SORCS1: variants seen among roughly 807,000 people sequenced by gnomAD.
SORCS1 encodes sortilin related VPS10 domain containing receptor 1, also known as VPS10 domain-containing receptor SorCS1.
In SORCS1, 60 loss-of-function variants were observed where a neutral mutation model predicts 146.1. That is an observed-to-expected ratio of 0.41 (90% CI 0.33 to 0.51). The LOEUF is 0.51. Among genes scored for constraint, SORCS1 ranks in the 20% least tolerant of loss-of-function variants. The pLI is 0.21. For missense variants in SORCS1, 1,352 were observed against 1,487.6 expected, an observed-to-expected ratio of 0.91 and a Z score of 1.50; for synonymous variants, 637 against 584.0, an observed-to-expected ratio of 1.09 and a Z score of -1.31.
Position 106,620,454 on chromosome 10 carries a change from C to A in SORCS1, c.2770G>T (p.Val924Leu), listed in dbSNP as rs373926974. 3.1e-6 allele frequency: 5 copies of A among 1,613,722 alleles called. No homozygotes were observed. The highest frequency in any genetic ancestry group is 4.2e-6 in the Non-Finnish European group (5 of 1,179,794). ...TCCGTGTTGTTTCCGTACCACCACA[C>A]GTAAGTGAGGGTGCCCACTTGGCTG... ...WPSQVGTLTY[V>L]WWYGNNTEPL... The change falls in exon 20 of 26, where the codon GTG (valine) becomes TTG (leucine). Residue 924 changes from valine (V) to leucine (L), a missense_variant. Coordinates refer to ENST00000263054, the MANE Select transcript of SORCS1 (RefSeq NM_052918.5).
At chr10:107,148,072 G>A (rs1968483319) in intron 1 of SORCS1, among the ~76,000 whole-genome samples, 1 of 152,152 alleles carries the variant, frequency 6.6e-6, no homozygotes, top group Non-Finnish European at 1.5e-5. Context: ...TTGAGCAAAG[G>A]GGCAGGGACG....
chr10:107,172,296 G>GCATAAT, the SORCS1 span, among the ~76,000 whole-genome samples: 1 of 152,182 alleles, frequency 6.6e-6, no homozygotes, highest in African/African-American at 2.4e-5. Context: ...CTTCTTTGCA[G>GCATAAT]CATAATTCTT....
intron 4 of SORCS1, among the ~76,000 whole-genome samples, chr10:106,765,516 A>T (rs988723641): frequency 1.9e-4 from 29 of 152,102 alleles, no homozygotes; most frequent in African/African-American, 7.0e-4. Flanking sequence ...CTTTGAGCCA[A>T]CTGTTAGGCA....
At chr10:106,878,351 T>TA (rs1950671454) in intron 2 of SORCS1, among the ~76,000 whole-genome samples, 1 of 151,818 alleles carries the variant, frequency 6.6e-6, no homozygotes, top group African/African-American at 2.4e-5. Flanking sequence ...GTGTTCACCC[T>TA]AAAATTCATA....
intron 1 of SORCS1, among the ~76,000 whole-genome samples, chr10:107,056,209 A>G (rs1960617512): frequency 6.6e-6 from 1 of 152,206 alleles, no homozygotes; most frequent in Non-Finnish European, 1.5e-5. Context: ...AAAGGAGCCT[A>G]GATGAAGCAA....
At chr10:106,958,833 C>T (rs531513301) in intron 1 of SORCS1, among the ~76,000 whole-genome samples, 8 of 152,290 alleles carry the variant, frequency 5.3e-5, no homozygotes, top group South Asian at 4.2e-4. Context: ...ATCCCAGGAA[C>T]GCTGATCAGT....
At chr10:106,635,143 A>G (rs1285629000) in intron 18 of SORCS1, among the ~76,000 whole-genome samples, 2 of 152,238 alleles carry the variant, frequency 1.3e-5, no homozygotes, top group Admixed American at 6.5e-5. Flanking sequence ...TGAACCTATC[A>G]GTTCCTGTAA....
chr10:106,666,557 T>C (rs1201968069), intron 17 of SORCS1, among the ~76,000 whole-genome samples: 7 of 150,826 alleles, frequency 4.6e-5, no homozygotes, highest in African/African-American at 1.7e-4. Flanking sequence ...TCTCTCTCTT[T>C]TTTTTTTTTT....
rs3982431 is a variant in SORCS1, at chr10:106,894,270, CGTGTGTGTGTGT to C, written c.626+62231_626+62242del. Among the ~76,000 whole-genome samples the C allele has an allele frequency of 2.2e-3, 312 of 141,544 alleles. 1 individual carries two copies. Among genetic ancestry groups the C allele is most frequent in the Middle Eastern group, 7.2e-3 (2 of 276 alleles). The allele number at this position is 141,544 out of a possible 152,430, so 92.9% of individuals were successfully genotyped here. A position where few individuals can be genotyped will look rare whatever the true frequency, so the allele number is the denominator to read the frequency against. ...GTGTGTGTGCGCGCGCGCACGTGTG[CGTGTGTGTGTGT>C]GTGTGTGTGTGTGTGTGTGTGTGTG... On this transcript the variant is annotated intron_variant, in intron 2 of 25. Transcript: ENST00000263054.
intron 1 of SORCS1, among the ~76,000 whole-genome samples, chr10:107,127,968 G>A (rs1427410482): frequency 6.6e-6 from 1 of 152,162 alleles, no homozygotes; most frequent in Non-Finnish European, 1.5e-5. Flanking sequence ...CACACTTATA[G>A]TGATTTCAGC....
At chr10:106,592,818 G>A (rs1189636258) in intron 24 of SORCS1, among the ~76,000 whole-genome samples, 3 of 145,654 alleles carry the variant, frequency 2.1e-5, no homozygotes, top group African/African-American at 7.7e-5. Flanking sequence ...TCTCTTCCTA[G>A]CCACCCAAAT....
At chr10:106,952,206 A>T (rs1165151604) in intron 2 of SORCS1, among the ~76,000 whole-genome samples, 1 of 152,142 alleles carries the variant, frequency 6.6e-6, no homozygotes, top group Non-Finnish European at 1.5e-5. Flanking sequence ...GCACCCGGTT[A>T]AAGCCTTCTT....
chr10:107,070,159 T>C (rs947671131), intron 1 of SORCS1, among the ~76,000 whole-genome samples: 8 of 152,232 alleles, frequency 5.3e-5, no homozygotes, highest in African/African-American at 1.9e-4. Flanking sequence ...GTATCAATAC[T>C]TCATTTTTAT....
chr10:106,916,437 C>T (rs964148382), intron 2 of SORCS1, among the ~76,000 whole-genome samples: 8 of 148,722 alleles, frequency 5.4e-5, no homozygotes, highest in East Asian at 2.0e-4. Context: ...CACATACACA[C>T]GATTGTATAT....
chr10:107,117,124 C>G (rs1184733730), intron 1 of SORCS1, among the ~76,000 whole-genome samples: 1 of 152,040 alleles, frequency 6.6e-6, no homozygotes, highest in Non-Finnish European at 1.5e-5. Context: ...TAGCCTATCC[C>G]TATTGCAAAA....
chr10:106,662,880 T>G (rs1850840828), intron 17 of SORCS1, among the ~76,000 whole-genome samples: 1 of 152,200 alleles, frequency 6.6e-6, no homozygotes, highest in Non-Finnish European at 1.5e-5. Flanking sequence ...CTCTAATTTT[T>G]GGGACTCACA....
intron 21 of SORCS1, among the ~76,000 whole-genome samples, chr10:106,613,395 A>G (rs1202186334): frequency 6.6e-6 from 1 of 152,160 alleles, no homozygotes; most frequent in Non-Finnish European, 1.5e-5. Context: ...CTGCAGTCTG[A>G]GGAAGGTTCA....
intron 1 of SORCS1, among the ~76,000 whole-genome samples, chr10:107,112,041 A>G (rs538374359): frequency 7.4e-4 from 113 of 152,308 alleles, no homozygotes; most frequent in African/African-American, 2.5e-3. Flanking sequence ...TAACAACATG[A>G]AAACATATTA....
intron 5 of SORCS1, among the ~76,000 whole-genome samples, chr10:106,753,044 T>A (rs1338735600): frequency 2.0e-5 from 3 of 152,094 alleles, no homozygotes; most frequent in African/African-American, 7.2e-5. Context: ...GCTTCATAGC[T>A]TTGAGTAAGA....
Sources: allele counts gnomAD v4.1 joint callset (sites outside exome capture counted in the v4.1 genomes callset), GRCh38; gene constraint gnomAD v4.1.1; transcripts MANE v1.5; gene names NCBI Gene and HGNC (gene_info 2026-07-23, HGNC 2026-07-21).